DCC: variants seen among roughly 807,000 people sequenced by gnomAD.
The protein encoded by DCC is DCC netrin 1 receptor.
In DCC, 58 loss-of-function variants were observed where a neutral mutation model predicts 172.5. The ratio of observed to expected loss-of-function variants is 0.34; its 90% CI spans 0.27 to 0.42. DCC has a LOEUF of 0.42. Ranked by LOEUF, DCC falls within the 10% of genes least tolerant of loss-of-function variation. The pLI is 1.00. For synonymous variants in DCC, 709 were observed against 644.5 expected, an observed-to-expected ratio of 1.10 and a Z score of -1.52; for missense variants, 1,740 against 1,791.0, an observed-to-expected ratio of 0.97 and a Z score of 0.51.
intron 2 of DCC, among the ~76,000 whole-genome samples, chr18:52,851,026 ATTC>A (rs2038967940): frequency 6.6e-6 from 1 of 150,970 alleles, no homozygotes; most frequent in African/African-American, 2.5e-5. Flanking sequence ...CGGTATTTGT[ATTC>A]TTCAAAATTG....
At chr18:53,480,809 C>G (rs1376169234) in intron 25 of DCC, 1 of 152,172 alleles carries the variant, frequency 6.6e-6, no homozygotes, top group Admixed American at 6.5e-5. Flanking sequence ...TATCATGTAA[C>G]AAATTACTCC....
intron 26 of DCC, 86 bp from the exon 27 acceptor site, chr18:53,499,212 G>C: frequency 1.5e-6 from 2 of 1,345,226 alleles, no homozygotes; most frequent in Non-Finnish European, 2.1e-6. Flanking sequence ...ACATCTCTCT[G>C]AATGGATGCA....
chr18:53,168,904 C>G (rs1034554393), intron 8 of DCC, among the ~76,000 whole-genome samples: 1 of 151,882 alleles, frequency 6.6e-6, no homozygotes, highest in Non-Finnish European at 1.5e-5. Flanking sequence ...TGGCAGCTAG[C>G]ACAAGGTTGT....
rs912938204 is a variant in DCC, at chr18:53,100,126, T to A, written c.1261+33960T>A. ...CACGCCTGGTTAATTTTTGTATTAT[T>A]AGTAGAGACAGGGGTTTTGCCATGT... On this transcript the variant is annotated intron_variant, in intron 7 of 28. Transcript: ENST00000442544. 3.3e-5 allele frequency among the ~76,000 whole-genome samples: 5 copies of A among 151,842 alleles called. No homozygotes were observed. In the East Asian group the frequency reaches 9.8e-4, roughly 30 times the overall value.
At position 52,781,113 on chromosome 18, in the gene DCC, A is replaced by C. The variant is rs559121856; in HGVS notation, c.412+28739A>C. On this transcript the variant is annotated intron_variant, in intron 2 of 28. Transcript: ENST00000442544. ...GATGAATAATGCTCAGCCATGTAGA[A>C]ATACAACTGGACAAAAGGATCTGAT... 6.6e-5 allele frequency among the ~76,000 whole-genome samples: 10 copies of C among 152,292 alleles called. No homozygotes were observed. The South Asian group carries it at 8.3e-4, about 13-fold the overall frequency.
chr18:53,087,850 T>C (rs2042938316), intron 7 of DCC, among the ~76,000 whole-genome samples: 1 of 151,918 alleles, frequency 6.6e-6, no homozygotes, highest in Non-Finnish European at 1.5e-5. Flanking sequence ...CACCATTTAT[T>C]ATATAGGGAA....
At chr18:52,686,437 T>C (rs577358740) in intron 1 of DCC, among the ~76,000 whole-genome samples, 1 of 152,250 alleles carries the variant, frequency 6.6e-6, no homozygotes, top group South Asian at 2.1e-4. Context: ...AATTTCCCTT[T>C]GTTTACCAAA....
At chr18:53,392,362 C>T (rs1274482292) in intron 17 of DCC, among the ~76,000 whole-genome samples, 2 of 151,996 alleles carry the variant, frequency 1.3e-5, no homozygotes, top group Non-Finnish European at 2.9e-5. Context: ...CACTCTAAGC[C>T]ATTAACATCT....
intron 1 of DCC, among the ~76,000 whole-genome samples, chr18:52,638,143 C>T (rs538756489): frequency 6.6e-6 from 1 of 152,178 alleles, no homozygotes; most frequent in South Asian, 2.1e-4. Context: ...TACCAAGCCA[C>T]CACTACAAGA....
At chr18:52,433,188 G>A (rs1330754912) in intron 1 of DCC, among the ~76,000 whole-genome samples, 1 of 151,982 alleles carries the variant, frequency 6.6e-6, no homozygotes, top group Non-Finnish European at 1.5e-5. Flanking sequence ...ATTAATTAGG[G>A]TTAATTTGCG....
intron 2 of DCC, among the ~76,000 whole-genome samples, chr18:52,845,351 G>A (rs1312994778): frequency 5.9e-5 from 9 of 152,314 alleles, no homozygotes; most frequent in African/African-American, 2.2e-4. Context: ...GATAGTAAAA[G>A]TTAATGTAAT....
rs189473862 is a variant in DCC, at chr18:52,726,836, G to A, written c.92-25218G>A. ...AGATCAGATGTGAGGAATATTCTAG[G>A]TCATGTATAAGCTATTCTACATAGT... On this transcript the variant is annotated intron_variant, in intron 1 of 28. Transcript: ENST00000442544. Among the ~76,000 whole-genome samples, 128 of 152,268 alleles carry A rather than the reference G, an allele frequency of 8.4e-4. 1 individual carries two copies. Among genetic ancestry groups the A allele is most frequent in the Non-Finnish European group, 3.5e-4 (24 of 68,026 alleles).
chr18:52,470,240 C>T (rs1988908621), intron 1 of DCC, among the ~76,000 whole-genome samples: 1 of 152,168 alleles, frequency 6.6e-6, no homozygotes, highest in African/African-American at 2.4e-5. Flanking sequence ...CTCCCTGGCT[C>T]AGTTAGCTGT....
intron 1 of DCC, among the ~76,000 whole-genome samples, chr18:52,716,059 T>G (rs533301097): frequency 7.5e-4 from 114 of 152,314 alleles, no homozygotes; most frequent in Non-Finnish European, 1.4e-3. Flanking sequence ...CTATGATCCC[T>G]GCTCAGACCT....
chr18:53,288,179 T>C (rs577266222), intron 12 of DCC, among the ~76,000 whole-genome samples: 1 of 152,184 alleles, frequency 6.6e-6, no homozygotes, highest in South Asian at 2.1e-4. Context: ...ATTCAAGGTC[T>C]CTTTTTGACA....
At chr18:52,387,622 CCTTCCTT>C (rs1481075067) in intron 1 of DCC, among the ~76,000 whole-genome samples, 1 of 151,176 alleles carries the variant, frequency 6.6e-6, no homozygotes, top group East Asian at 2.0e-4. Context: ...TTCCTTCCTT[CCTTCCTT>C]CCTTCTGTCC....
intron 1 of DCC, among the ~76,000 whole-genome samples, chr18:52,658,648 T>A (rs372710843): frequency 1.3e-5 from 2 of 152,158 alleles, no homozygotes; most frequent in African/African-American, 2.4e-5. Context: ...CTTTATTCTA[T>A]ACATCTCCAA....
At chr18:52,819,087 T>C (rs2038356895) in intron 2 of DCC, among the ~76,000 whole-genome samples, 1 of 152,196 alleles carries the variant, frequency 6.6e-6, no homozygotes, top group Admixed American at 6.5e-5. Flanking sequence ...AAGTTTACAG[T>C]CGTTTTACAG....
At chr18:53,456,902 A>C (rs570634211) in intron 23 of DCC, among the ~76,000 whole-genome samples, 1 of 152,358 alleles carries the variant, frequency 6.6e-6, no homozygotes, top group Non-Finnish European at 1.5e-5. Context: ...CAATTTAATT[A>C]TGAGCACATG....
Sources: allele counts gnomAD v4.1 joint callset (sites outside exome capture counted in the v4.1 genomes callset), GRCh38; gene constraint gnomAD v4.1.1; transcripts MANE v1.5; gene names NCBI Gene and HGNC (gene_info 2026-07-23, HGNC 2026-07-21).